Variants in WDFY2 observed in about 807,000 individuals in gnomAD.
WDFY2 encodes the protein WD repeat and FYVE domain containing 2.
WDFY2 carries 36 observed loss-of-function variants against 56.4 expected under a neutral mutation model. That is an observed-to-expected ratio of 0.64 (90% CI 0.49 to 0.84). The LOEUF (loss-of-function observed/expected upper bound fraction) is 0.84. Among genes scored for constraint, WDFY2 ranks in the 40% least tolerant of loss-of-function variants. The pLI, the probability that WDFY2 is intolerant of heterozygous loss-of-function variation, is 0.00. For missense variants in WDFY2, 444 were observed against 512.2 expected (o/e 0.87, Z 1.29); for synonymous variants, 176 against 183.7 (o/e 0.96, Z 0.34).
chr13:51,671,177 C>G (rs947265348), intron 2 of WDFY2, among the ~76,000 whole-genome samples: 1 of 151,782 alleles, frequency 6.6e-6, no homozygotes, highest in Non-Finnish European at 1.5e-5. Context: ...TATAAACATG[C>G]GTGTGTGAGT....
intron 1 of WDFY2, among the ~76,000 whole-genome samples, chr13:51,618,342 T>C (rs1300504903): frequency 6.6e-5 from 10 of 152,220 alleles, no homozygotes; most frequent in Non-Finnish European, 1.5e-4. Context: ...ATATTGATAA[T>C]AAATGGAGAA....
chr13:51,754,804 CTATT>C (rs1953327678), intron 8 of WDFY2, among the ~76,000 whole-genome samples: 1 of 152,194 alleles, frequency 6.6e-6, no homozygotes, highest in African/African-American at 2.4e-5. Flanking sequence ...TGCTATGATA[CTATT>C]TAATAACCTG....
intron 4 of WDFY2, 33 bp from the exon 5 acceptor site, chr13:51,719,165 T>G: frequency 6.2e-7 from 1 of 1,613,670 alleles, no homozygotes; most frequent in Middle Eastern, 1.6e-4. Context: ...TTAGGATGCT[T>G]TATAGGTTGT....
intron 8 of WDFY2, 162 bp downstream of exon 8, chr13:51,751,577 C>T: frequency 1.5e-6 from 1 of 672,602 alleles, no homozygotes; most frequent in East Asian, 3.1e-5. Flanking sequence ...TTTTCCCTCA[C>T]AAGTTGGCAT....
rs115970966 is a variant in WDFY2 at position 51,656,733 on chromosome 13, T to C, written c.138-3863T>C. On this transcript the variant is annotated intron_variant, in intron 1 of 11. Coordinates refer to ENST00000298125, the MANE Select transcript of WDFY2 (RefSeq NM_052950.4). ...AATTGACCCTTTTGTCAATACATAGTGTCCTTGTCTCTTGTAATAAGTTTT... is the reference window on the plus strand; with the variant it reads ...AATTGACCCTTTTGTCAATACATAGCGTCCTTGTCTCTTGTAATAAGTTTT... Among the ~76,000 whole-genome samples, 685 of 152,160 alleles carry C rather than the reference T, an allele frequency of 4.5e-3. 4 individuals carry two copies. Among genetic ancestry groups the C allele is most frequent in the African/African-American group, 0.015 (604 of 41,568 alleles).
At chr13:51,669,783 T>C (rs184791682) in intron 2 of WDFY2, among the ~76,000 whole-genome samples, 198 of 152,306 alleles carry the variant, frequency 1.3e-3, no homozygotes, top group African/African-American at 4.5e-3. Context: ...TACCATGATA[T>C]ATGTGAGAAG....
chr13:51,688,349 C>T (rs1183818675), intron 3 of WDFY2, among the ~76,000 whole-genome samples: 1 of 152,148 alleles, frequency 6.6e-6, no homozygotes, highest in Non-Finnish European at 1.5e-5. Flanking sequence ...AGAATTTGCA[C>T]TGTAGTTTTT....
At chr13:51,697,490 A>G (rs570513546) in intron 3 of WDFY2, among the ~76,000 whole-genome samples, 14 of 151,984 alleles carry the variant, frequency 9.2e-5, no homozygotes, top group Middle Eastern at 3.4e-3. Context: ...AAAATTAGCC[A>G]TGTGTGGTGG....
rs769244832 is a variant in WDFY2 at position 51,751,352 on chromosome 13, A to G, written c.768A>G (p.Gln256=). The G allele has an allele frequency of 1.4e-5, 23 of 1,614,022 alleles. No homozygotes were observed. Among genetic ancestry groups the G allele is most frequent in the East Asian group, 4.5e-5 (2 of 44,868 alleles). ...TCTCCTATGCACAGCACACGCGACA[A>G]TTGATCTCCTGTGGCGGTGATGGTG... The part of the protein sequence containing the change: ...QALSYAQHTR[Q]LISCGGDGGI... The change falls in exon 8 of 12, where the codon CAA becomes CAG. Residue 256 remains glutamine, a synonymous_variant. Transcript: ENST00000298125.
chr13:51,612,257 G>GC (rs1443998519), intron 1 of WDFY2, among the ~76,000 whole-genome samples: 1 of 152,110 alleles, frequency 6.6e-6, no homozygotes, highest in East Asian at 1.9e-4. Flanking sequence ...CTATAAAGCA[G>GC]CCCTGCCTCC....
intron 3 of WDFY2, among the ~76,000 whole-genome samples, chr13:51,681,176 A>G (rs1305655555): frequency 6.6e-6 from 1 of 152,188 alleles, no homozygotes; most frequent in Non-Finnish European, 1.5e-5. Context: ...CTGTACAGTT[A>G]GTTCACTCTG....
intron 7 of WDFY2, among the ~76,000 whole-genome samples, chr13:51,745,460 T>C (rs1354346255): frequency 6.6e-6 from 1 of 152,032 alleles, no homozygotes; most frequent in African/African-American, 2.4e-5. Flanking sequence ...ATGGGCAGGG[T>C]GGAGTGTGGG....
At chr13:51,635,423 A>G (rs1038829320) in intron 1 of WDFY2, among the ~76,000 whole-genome samples, 1 of 152,226 alleles carries the variant, frequency 6.6e-6, no homozygotes, top group African/African-American at 2.4e-5. Flanking sequence ...ATCCAGATCT[A>G]GCTAATGCAC....
chr13:51,735,534 C>T (rs909083856), intron 6 of WDFY2, among the ~76,000 whole-genome samples: 2 of 152,152 alleles, frequency 1.3e-5, no homozygotes, highest in Non-Finnish European at 1.5e-5. Context: ...TCACATATCC[C>T]GTAAGAGAAT....
intron 1 of WDFY2, among the ~76,000 whole-genome samples, chr13:51,651,027 G>A (rs961108609): frequency 1.3e-5 from 2 of 152,330 alleles, no homozygotes; most frequent in Admixed American, 6.5e-5. Context: ...GAATTCGGCT[G>A]TGACTGCATC....
rs111358543 is a variant in WDFY2, at chr13:51,600,793, G to C, written c.137+15969G>C. On this transcript the variant is annotated intron_variant, in intron 1 of 11. Transcript: ENST00000298125. ...GCCCACTACTGGACCCTATGGGCAT[G>C]AGATGAGCCCATGCCCTTTTCGTTG... Among the ~76,000 whole-genome samples the C allele has an allele frequency of 2.0e-3, 306 of 152,316 alleles. 1 individual carries two copies. Among genetic ancestry groups the C allele is most frequent in the South Asian group, 5.2e-3 (25 of 4,822 alleles).
chr13:51,647,931 T>C (rs891201078), intron 1 of WDFY2, among the ~76,000 whole-genome samples: 15 of 152,268 alleles, frequency 9.9e-5, no homozygotes, highest in African/African-American at 3.1e-4. Flanking sequence ...TGCCAGCTTA[T>C]GTGTGTCAGC....
intron 8 of WDFY2, chr13:51,753,083 G>GGAGT (rs1953273677): frequency 6.6e-6 from 1 of 152,228 alleles, no homozygotes; most frequent in Non-Finnish European, 1.5e-5. Context: ...TAGAAGGGAT[G>GGAGT]GAGTCATCAT....
At chr13:51,650,479 C>G (rs1202571906) in intron 1 of WDFY2, among the ~76,000 whole-genome samples, 1 of 152,188 alleles carries the variant, frequency 6.6e-6, no homozygotes, top group African/African-American at 2.4e-5. Context: ...AGAGGGCATT[C>G]CTGTCTTGTG....
Sources: gnomAD v4.1 joint callset for allele counts (sites outside exome capture counted in the v4.1 genomes callset) on GRCh38, gnomAD v4.1.1 for gene constraint, MANE v1.5 for transcripts, NCBI Gene and HGNC (gene_info 2026-07-23, HGNC 2026-07-21) for gene names.